The following TUT4 variants were observed in gnomAD, a reference collection of about 807,000 sequenced individuals.
The protein encoded by TUT4 is terminal uridylyltransferase 4.
In TUT4, 36 loss-of-function variants were observed where a neutral mutation model predicts 192.2. That is an observed-to-expected ratio of 0.19 (90% confidence interval 0.14 to 0.25). TUT4 has a LOEUF of 0.25. TUT4 is among the 10% of genes least tolerant of loss of function. The pLI, the probability that TUT4 is intolerant of heterozygous loss-of-function variation, is 1.00. For synonymous variants in TUT4, 618 were observed against 666.0 expected, an observed-to-expected ratio of 0.93 and a Z score of 1.11; for missense variants, 1,493 against 1,957.2, an observed-to-expected ratio of 0.76 and a Z score of 4.47.
chr1:52,485,403 G>A (rs559675872), intron 9 of TUT4, among the ~76,000 whole-genome samples: 11 of 151,984 alleles, frequency 7.2e-5, no homozygotes, highest in East Asian at 1.9e-4. Flanking sequence ...CATATCATTC[G>A]CACAAAGAGA....
At chr1:52,429,394 G>T (rs1248197103) in intron 28 of TUT4, among the ~76,000 whole-genome samples, 1 of 151,348 alleles carries the variant, frequency 6.6e-6, no homozygotes, top group Non-Finnish European at 1.5e-5. Flanking sequence ...AAAAAGTTGG[G>T]CATAAGTCAG....
At chr1:52,491,729 AGATT>A (rs764008847) in intron 7 of TUT4, among the ~76,000 whole-genome samples, 6 of 152,082 alleles carry the variant, frequency 3.9e-5, no homozygotes, top group East Asian at 1.9e-4. Context: ...AAAACCAGAT[AGATT>A]AACATCACTT....
intron 20 of TUT4, among the ~76,000 whole-genome samples, chr1:52,446,941 C>G (rs1657692027): frequency 6.6e-6 from 1 of 151,926 alleles, no homozygotes; most frequent in Admixed American, 6.6e-5. Flanking sequence ...CATATCCAGT[C>G]CAAGAATAAT....
intron 29 of TUT4, 27 bp downstream of exon 29, chr1:52,425,322 T>A: frequency 6.2e-7 from 1 of 1,606,354 alleles, no homozygotes; most frequent in Non-Finnish European, 8.5e-7. Context: ...CACCCAAGCC[T>A]GTTAACTAAT....
chr1:52,445,039 ATG>A (rs386366952), intron 24 of TUT4, among the ~76,000 whole-genome samples: 18 of 149,964 alleles, frequency 1.2e-4, no homozygotes, highest in African/African-American at 2.7e-4. Context: ...GTATATATAT[ATG>A]TGTGTGTGTG....
At chr1:52,455,630 AG>A (rs1660686854) in intron 20 of TUT4, among the ~76,000 whole-genome samples, 4 of 96,654 alleles carry the variant, frequency 4.1e-5, no homozygotes, top group South Asian at 3.9e-4. Context: ...AAAAAAAAAA[AG>A]ACGGGGGAGA....
Position 52,461,221 on chromosome 1 carries a change from A to G in TUT4, c.3234T>C (p.Ala1078=), listed in dbSNP as rs768631351. The change falls in exon 19 of 30, where the codon GCT becomes GCC. Residue 1078 remains alanine, a splice_region_variant and synonymous_variant. Transcript: ENST00000257177. ...TAGCTAGCATTCTTGTGTTATGTTG[A>G]GCCTGAAAAATAATTACATATTTGA... is the stretch of plus-strand genomic sequence containing the variant. ...EGDISLYNTL[A]QHNTRMLATY... is the part of the protein sequence containing the mutation. The G allele has an allele frequency of 3.7e-6, 6 of 1,600,466 alleles. No individual in the cohort carries two copies. The Admixed American group carries it at 7.0e-5, about 19-fold the overall frequency.
At chr1:52,540,392 T>C (rs1686238737) in intron 1 of TUT4, among the ~76,000 whole-genome samples, 1 of 150,608 alleles carries the variant, frequency 6.6e-6, no homozygotes, top group South Asian at 2.1e-4. Flanking sequence ...GGCATGCACC[T>C]GTAGTCCGAC....
intron 12 of TUT4, 75 bp from the exon 13 acceptor site, chr1:52,475,610 T>C: frequency 7.7e-7 from 1 of 1,303,648 alleles, no homozygotes. Flanking sequence ...CAAGTAGATC[T>C]TAACTGATAA....
In TUT4 at chr1:52,542,773, T is replaced by A. The variant is rs191982512; in HGVS notation, c.-94+10158A>T. On this transcript the variant is annotated intron_variant, in intron 1 of 29. Coordinates refer to ENST00000257177, the MANE Select transcript of TUT4 (RefSeq NM_001009881.3). ...TTTTTATTTATTTATTTATTTATTT[T>A]TTTTTGAGGCAGAGTTTCACTCTTG... Among the ~76,000 whole-genome samples the A allele has an allele frequency of 4.2e-3, 640 of 151,572 alleles. 4 individuals carry two copies. Among genetic ancestry groups the A allele is most frequent in the East Asian group, 0.034 (175 of 5,178 alleles).
intron 28 of TUT4, 22 bp from the exon 29 acceptor site, chr1:52,425,529 A>G (rs770391777): frequency 6.3e-7 from 1 of 1,594,588 alleles, no homozygotes; most frequent in Non-Finnish European, 8.6e-7. Context: ...CAAGAGGGAA[A>G]AAGACATTTA....
At chr1:52,492,257 A>G (rs1469796817) in intron 7 of TUT4, among the ~76,000 whole-genome samples, 1 of 152,202 alleles carries the variant, frequency 6.6e-6, no homozygotes, top group African/African-American at 2.4e-5. Context: ...GACAATGGCC[A>G]ACAGGAAACT....
intron 25 of TUT4, 46 bp downstream of exon 25, chr1:52,438,174 T>C: frequency 6.8e-7 from 1 of 1,466,736 alleles, no homozygotes; most frequent in Non-Finnish European, 9.5e-7. Flanking sequence ...CAAATTGGCC[T>C]CTCATTTATT....
At chr1:52,528,184 A>AAAT (rs985356717) in intron 1 of TUT4, among the ~76,000 whole-genome samples, 7 of 145,950 alleles carry the variant, frequency 4.8e-5, no homozygotes, top group African/African-American at 1.6e-4. Flanking sequence ...ATCTCGAAAA[A>AAAT]AATAATAATA....
Position 52,431,467 on chromosome 1 carries a change from AC to A in TUT4, c.4264-8del. 1 of 1,497,540 alleles carries A rather than the reference AC, an allele frequency of 6.7e-7. No homozygotes were observed. Among genetic ancestry groups the A allele is most frequent in the Non-Finnish European group, 8.9e-7 (1 of 1,123,448 alleles). The allele number at this position is 1,497,540 out of a possible 1,614,324, so 92.8% of individuals were successfully genotyped here. Reference sequence around the variant, plus strand: ...AATAAGATGGTGATTCAGACTGCAGACAAAAAAAAAATTTTTTTTAATTAAT... The same window carrying A: ...AATAAGATGGTGATTCAGACTGCAGAAAAAAAAAAATTTTTTTTAATTAAT... On this transcript the variant is annotated splice_region_variant and splice_polypyrimidine_tract_variant and intron_variant, in intron 27 of 29. Coordinates refer to ENST00000257177, the MANE Select transcript of TUT4 (RefSeq NM_001009881.3).
At chr1:52,546,855 G>A (rs901431460) in intron 1 of TUT4, among the ~76,000 whole-genome samples, 1 of 152,052 alleles carries the variant, frequency 6.6e-6, no homozygotes, top group African/African-American at 2.4e-5. Flanking sequence ...GTCTAGCCTG[G>A]GCGAGATGGC....
intron 20 of TUT4, among the ~76,000 whole-genome samples, chr1:52,448,071 G>C (rs920164336): frequency 6.6e-6 from 1 of 152,094 alleles, no homozygotes; most frequent in African/African-American, 2.4e-5. Context: ...AAGGACTATG[G>C]CTTATCTCTG....
chr1:52,507,476 TTTTG>T (rs1388370992), intron 4 of TUT4, among the ~76,000 whole-genome samples: 2 of 152,186 alleles, frequency 1.3e-5, no homozygotes, highest in African/African-American at 4.8e-5. Context: ...TGTATTTTTT[TTTTG>T]TTTGTCATTT....
At chr1:52,443,143 C>T (rs899280924) in intron 24 of TUT4, among the ~76,000 whole-genome samples, 14 of 151,490 alleles carry the variant, frequency 9.2e-5, no homozygotes, top group African/African-American at 1.2e-4. Context: ...ATTAGCTGGG[C>T]GTAGTGGCAC....
Sources: gnomAD v4.1 joint callset for allele counts (sites outside exome capture counted in the v4.1 genomes callset) on GRCh38, gnomAD v4.1.1 for gene constraint, MANE v1.5 for transcripts, NCBI Gene and HGNC (gene_info 2026-07-23, HGNC 2026-07-21) for gene names.